EXOC4: variants seen among roughly 807,000 people sequenced by gnomAD.
The protein encoded by EXOC4 is exocyst complex component 4.
In EXOC4, 71 loss-of-function variants were observed where a neutral mutation model predicts 107.2. That is an observed-to-expected ratio of 0.66 (90% CI 0.55 to 0.81). The LOEUF (loss-of-function observed/expected upper bound fraction) is 0.81, where lower values mean the gene tolerates loss of function less well. EXOC4 is among the 30% of genes least tolerant of loss of function. EXOC4 has a pLI of 0.00. For synonymous variants in EXOC4, 456 were observed against 441.2 expected (o/e 1.03, Z -0.42); for missense variants, 1,108 against 1,189.6 (o/e 0.93, Z 1.01).
intron 10 of EXOC4, among the ~76,000 whole-genome samples, chr7:133,684,271 G>A (rs1180237285): frequency 1.3e-5 from 2 of 152,096 alleles, no homozygotes; most frequent in Non-Finnish European, 2.9e-5. Context: ...TAAAATATCA[G>A]AATACTTTAT....
intron 7 of EXOC4, among the ~76,000 whole-genome samples, chr7:133,431,341 C>A (rs994347242): frequency 6.6e-6 from 1 of 152,082 alleles, no homozygotes; most frequent in Admixed American, 6.5e-5. Context: ...AAGAAAAAAA[C>A]ATTTAAATAA....
At chr7:133,368,303 G>C (rs989509870) in intron 6 of EXOC4, among the ~76,000 whole-genome samples, 6 of 152,140 alleles carry the variant, frequency 3.9e-5, no homozygotes, top group African/African-American at 1.4e-4. Flanking sequence ...GGTTATAAGT[G>C]CCAGGAATTG....
chr7:133,870,168 G>C (rs1357366193), intron 11 of EXOC4, among the ~76,000 whole-genome samples: 2 of 152,128 alleles, frequency 1.3e-5, no homozygotes, highest in Non-Finnish European at 2.9e-5. Flanking sequence ...ATGAGCTCAT[G>C]AATTTTCAAA....
chr7:133,713,119 CT>C (rs938097459), intron 10 of EXOC4, among the ~76,000 whole-genome samples: 1 of 152,096 alleles, frequency 6.6e-6, no homozygotes, highest in African/African-American at 2.4e-5. Flanking sequence ...TGAAATTCAC[CT>C]TAATAAGTTA....
At chr7:133,265,572 T>A (rs1279541354) in intron 1 of EXOC4, among the ~76,000 whole-genome samples, 1 of 152,208 alleles carries the variant, frequency 6.6e-6, no homozygotes, top group African/African-American at 2.4e-5. Flanking sequence ...GATTTGATTC[T>A]TATTGTAGAT....
chr7:133,660,914 T>C (rs1803424804), intron 10 of EXOC4, among the ~76,000 whole-genome samples: 1 of 152,210 alleles, frequency 6.6e-6, no homozygotes. Context: ...TCATGTCTTA[T>C]CTTAATTCTC....
intron 9 of EXOC4, among the ~76,000 whole-genome samples, chr7:133,488,480 CAG>C (rs1799311308): frequency 6.6e-6 from 1 of 151,974 alleles, no homozygotes; most frequent in Non-Finnish European, 1.5e-5. Context: ...ACTAAAGACT[CAG>C]AGGCAGACAT....
At chr7:133,813,634 AC>A (rs1563009327) in intron 10 of EXOC4, among the ~76,000 whole-genome samples, 1 of 152,058 alleles carries the variant, frequency 6.6e-6, no homozygotes, top group Non-Finnish European at 1.5e-5. Context: ...TTAACCATCT[AC>A]TTTTATTTCA....
chr7:134,077,995 A>T, the EXOC4 span, among the ~76,000 whole-genome samples: 7 of 152,208 alleles, frequency 4.6e-5, no homozygotes, highest in African/African-American at 1.7e-4. Flanking sequence ...AGCACATTAG[A>T]TAATATTATC....
At chr7:134,010,501 C>G (rs964461684) in intron 17 of EXOC4, among the ~76,000 whole-genome samples, 1 of 152,086 alleles carries the variant, frequency 6.6e-6, no homozygotes, top group Non-Finnish European at 1.5e-5. Context: ...TCCCCCGCTT[C>G]TTGTTTTTGG....
chr7:133,369,951 T>C (rs1176787249), intron 6 of EXOC4, among the ~76,000 whole-genome samples: 1 of 151,968 alleles, frequency 6.6e-6, no homozygotes, highest in Non-Finnish European at 1.5e-5. Context: ...ATTACAGGCA[T>C]GCACCATGAC....
intron 6 of EXOC4, among the ~76,000 whole-genome samples, chr7:133,356,794 T>C (rs1796030709): frequency 6.6e-6 from 1 of 152,070 alleles, no homozygotes; most frequent in African/African-American, 2.4e-5. Flanking sequence ...CAGCCTGTAC[T>C]AGTAGTGAAA....
intron 14 of EXOC4, among the ~76,000 whole-genome samples, chr7:133,996,639 G>A (rs1484200973): frequency 6.6e-6 from 1 of 151,980 alleles, no homozygotes; most frequent in African/African-American, 2.4e-5. Context: ...GTGGAATACA[G>A]CACACTACCA....
intron 11 of EXOC4, among the ~76,000 whole-genome samples, chr7:133,860,524 G>T (rs932956516): frequency 6.6e-6 from 1 of 152,154 alleles, no homozygotes; most frequent in Non-Finnish European, 1.5e-5. Context: ...AAAAGAAAAA[G>T]AAATCTTTCC....
chr7:133,581,275 AC>A (rs1397859751), intron 9 of EXOC4, among the ~76,000 whole-genome samples: 1 of 152,168 alleles, frequency 6.6e-6, no homozygotes, highest in Non-Finnish European at 1.5e-5. Flanking sequence ...AAAGACTTCT[AC>A]TGTTGTTAGG....
chr7:133,455,150 T>C (rs1317030035), intron 7 of EXOC4, among the ~76,000 whole-genome samples: 2 of 151,954 alleles, frequency 1.3e-5, no homozygotes, highest in African/African-American at 4.8e-5. Flanking sequence ...TTAACAACAA[T>C]AACTAATAAT....
chr7:133,640,858 TTCTC>T (rs72263489), intron 10 of EXOC4, among the ~76,000 whole-genome samples: 3 of 122,378 alleles, frequency 2.5e-5, no homozygotes, highest in African/African-American at 6.4e-5. Context: ...AAAATCGACA[TTCTC>T]TCTCTCTCTC....
At chr7:133,631,444 C>G (rs368376756) in intron 10 of EXOC4, among the ~76,000 whole-genome samples, 1 of 151,922 alleles carries the variant, frequency 6.6e-6, no homozygotes. Flanking sequence ...TATAGCTAAC[C>G]AGTGTTCTAA....
intron 11 of EXOC4, among the ~76,000 whole-genome samples, chr7:133,867,314 G>A (rs910978845): frequency 3.1e-4 from 47 of 152,208 alleles, no homozygotes; most frequent in African/African-American, 1.1e-3. Context: ...ATGTAAATTT[G>A]TAACTTGCAT....
Sources: gnomAD v4.1 joint callset for allele counts (sites outside exome capture counted in the v4.1 genomes callset) on GRCh38, gnomAD v4.1.1 for gene constraint, MANE v1.5 for transcripts, NCBI Gene and HGNC (gene_info 2026-07-23, HGNC 2026-07-21) for gene names.